YTHDC1: variants seen among roughly 807,000 people sequenced by gnomAD.
The protein encoded by YTHDC1 is YTH N6-methyladenosine RNA binding protein C1.
YTHDC1 carries 12 observed loss-of-function variants against 107.0 expected under a neutral mutation model. The observed-to-expected ratio is 0.11, with a 90% CI of 0.07 to 0.18. YTHDC1 has a LOEUF of 0.18. Among genes scored for constraint, YTHDC1 ranks in the 10% least tolerant of loss-of-function variants. The pLI is 1.00. For synonymous variants in YTHDC1, 280 were observed against 289.5 expected (o/e 0.97, Z 0.33); for missense variants, 635 against 898.8 (o/e 0.71, Z 3.75).
chr4:68,344,353 T>C (rs2109745221), intron 1 of YTHDC1, among the ~76,000 whole-genome samples: 1 of 150,842 alleles, frequency 6.6e-6, no homozygotes, highest in Non-Finnish European at 1.5e-5. Flanking sequence ...CTCAGTTTAA[T>C]ACACTAAGGC....
intron 9 of YTHDC1, 51 bp from the exon 10 acceptor site, chr4:68,324,274 C>T (rs1183114373): frequency 1.3e-6 from 2 of 1,483,982 alleles, no homozygotes; most frequent in African/African-American, 2.8e-5. Context: ...CCTTTAAGGA[C>T]CTTATACTAC....
At chr4:68,320,715 C>T (rs771079974) in intron 11 of YTHDC1, among the ~76,000 whole-genome samples, 1 of 152,056 alleles carries the variant, frequency 6.6e-6, no homozygotes, top group African/African-American at 2.4e-5. Flanking sequence ...CTGCTTTGCA[C>T]AAATTATGAA....
At chr4:68,326,740 G>A (rs1019995103) in intron 9 of YTHDC1, among the ~76,000 whole-genome samples, 6 of 151,722 alleles carry the variant, frequency 4.0e-5, no homozygotes, top group Admixed American at 2.0e-4. Context: ...ACAGGCATGC[G>A]CCACCACATC....
intron 1 of YTHDC1, among the ~76,000 whole-genome samples, chr4:68,341,813 G>A (rs1239545618): frequency 1.3e-5 from 2 of 152,142 alleles, no homozygotes; most frequent in African/African-American, 4.8e-5. Flanking sequence ...TTAGGTATCA[G>A]GAAATTCCCA....
chr4:68,325,522 T>C (rs999100999), intron 9 of YTHDC1, among the ~76,000 whole-genome samples: 2 of 152,178 alleles, frequency 1.3e-5, no homozygotes. Context: ...TGAATTTTCT[T>C]GAAAGTGAAT....
intron 1 of YTHDC1, among the ~76,000 whole-genome samples, chr4:68,343,135 T>C (rs561970199): frequency 1.3e-5 from 2 of 152,270 alleles, no homozygotes; most frequent in South Asian, 4.1e-4. Flanking sequence ...CATAAAGCAC[T>C]TCACATTGAA....
intron 9 of YTHDC1, among the ~76,000 whole-genome samples, chr4:68,327,299 G>A (rs1426117494): frequency 2.6e-5 from 4 of 152,086 alleles, no homozygotes; most frequent in Non-Finnish European, 5.9e-5. Flanking sequence ...TGTTTGGAAT[G>A]GACATGAAAG....
In YTHDC1 at chr4:68,314,032, A is replaced by G; in HGVS notation, c.*67T>C. On this transcript the variant is annotated 3_prime_UTR_variant, in exon 17 of 17. Transcript: ENST00000344157. ...AGCTGAAAATAAATTTACTACTTGT[A>G]AACACACACAAAAAAAAAATACAAG... The G allele has an allele frequency of 6.6e-7, 1 of 1,513,616 alleles. No homozygotes were observed. The highest frequency in any genetic ancestry group is 9.1e-7 in the Non-Finnish European group (1 of 1,103,748). The allele number at this position is 1,513,616 out of a possible 1,614,324, so 93.8% of individuals were successfully genotyped here. A position where few individuals can be genotyped will look rare whatever the true frequency, so the allele number is the denominator to read the frequency against.
intron 15 of YTHDC1, among the ~76,000 whole-genome samples, chr4:68,316,743 TTTAA>T (rs1721900994): frequency 6.6e-6 from 1 of 152,234 alleles, no homozygotes; most frequent in South Asian, 2.1e-4. Context: ...ACTAGTCTCA[TTTAA>T]TTCTCACAGC....
chr4:68,312,018 G>A lies in YTHDC1; in HGVS notation c.*2081C>T, dbSNP rs1214292830. 1.3e-5 allele frequency: 2 copies of A among 152,098 alleles called. No individual in the cohort carries two copies. The highest frequency in any genetic ancestry group is 1.3e-4 in the Admixed American group (2 of 15,262). The allele number at this position is 152,098 out of a possible 1,614,324, so 9.4% of individuals were successfully genotyped here. On this transcript the variant is annotated 3_prime_UTR_variant, in exon 17 of 17. Transcript: ENST00000344157. The stretch of plus-strand genomic sequence containing the variant: ...AAAAATTAGCGGGGTGTGGTGGTGG[G>A]TGCCTGTAGTCCCAGCCATTCGGGA...
chr4:68,349,969 A>C lies in YTHDC1; in HGVS notation c.-216T>G, dbSNP rs887654422. On this transcript the variant is annotated 5_prime_UTR_variant, in exon 1 of 17. Transcript: ENST00000344157. Reference sequence around the variant, plus strand: ...CTCCAGCATCCAGCGGCCTAGGCCCAGCCTTCTCGTTAGGGCTCAGACTCG... The same window carrying C: ...CTCCAGCATCCAGCGGCCTAGGCCCCGCCTTCTCGTTAGGGCTCAGACTCG... 6.1e-6 allele frequency: 4 copies of C among 658,014 alleles called. No individual in the cohort carries two copies. Among genetic ancestry groups the C allele is most frequent in the South Asian group, 1.9e-5 (1 of 53,154 alleles). The allele number at this position is 658,014 out of a possible 1,614,324, so 40.8% of individuals were successfully genotyped here. A position where few individuals can be genotyped will look rare whatever the true frequency, so the allele number is the denominator to read the frequency against.
At chr4:68,330,353 A>G (rs750421502) in intron 7 of YTHDC1, 43 bp from the exon 8 acceptor site, 3 of 1,310,838 alleles carry the variant, frequency 2.3e-6, no homozygotes, top group Non-Finnish European at 3.1e-6. Flanking sequence ...ATTAACTACA[A>G]CTCTTTTGTG....
At chr4:68,323,470 G>GT (rs1444860640) in intron 10 of YTHDC1, among the ~76,000 whole-genome samples, 1 of 152,188 alleles carries the variant, frequency 6.6e-6, no homozygotes, top group Middle Eastern at 3.2e-3. Flanking sequence ...GCTCATGCCT[G>GT]TAATTCCAGC....
Position 68,349,855 on chromosome 4 carries a change from C to A in YTHDC1, c.-102G>T. Reference sequence around the variant, plus strand: ...AGAAGCACGGGCCCGTCCGTCAGTCCGTCTGCCCGGATACGCGCGTCGCAC... The same window carrying A: ...AGAAGCACGGGCCCGTCCGTCAGTCAGTCTGCCCGGATACGCGCGTCGCAC... On this transcript the variant is annotated 5_prime_UTR_variant, in exon 1 of 17. Transcript: ENST00000344157. The A allele has an allele frequency of 2.6e-6, 4 of 1,546,432 alleles. No individual in the cohort carries two copies. The highest frequency in any genetic ancestry group is 1.7e-5 in the Admixed American group (1 of 57,654).
intron 1 of YTHDC1, among the ~76,000 whole-genome samples, chr4:68,345,043 A>T (rs1227946691): frequency 6.6e-6 from 1 of 152,058 alleles, no homozygotes. Context: ...CGCCAACAAC[A>T]AAAAAAATCA....
At position 68,332,949 on chromosome 4, in the gene YTHDC1, T is replaced by C. The variant is rs551798058; in HGVS notation, c.974-102A>G. 7.3e-5 allele frequency: 74 copies of C among 1,015,292 alleles called. No homozygotes were observed. The South Asian group carries it at 9.8e-4, about 13-fold the overall frequency. The allele number at this position is 1,015,292 out of a possible 1,614,324, so 62.9% of individuals were successfully genotyped here. The stretch of plus-strand genomic sequence containing the variant: ...TAAAATTCTCATTCAAGACAAATTA[T>C]TCTTCCTGGCGCACCCACACACACA... On this transcript the variant is annotated intron_variant, in intron 5 of 16. Transcript: ENST00000344157.
intron 1 of YTHDC1, among the ~76,000 whole-genome samples, chr4:68,347,087 A>G: frequency 6.6e-6 from 1 of 152,166 alleles, no homozygotes; most frequent in Non-Finnish European, 1.5e-5. Context: ...AGGTACTGAA[A>G]CACAATTACT....
intron 1 of YTHDC1, among the ~76,000 whole-genome samples, chr4:68,342,672 A>C (rs1332114241): frequency 6.6e-6 from 1 of 152,228 alleles, no homozygotes; most frequent in Non-Finnish European, 1.5e-5. Context: ...AAGCTAATGT[A>C]AACTGCTGCT....
In YTHDC1 at chr4:68,320,167, T is replaced by C; in HGVS notation, c.1640A>G (p.Lys547Arg). Residue 547 changes from lysine (K) to arginine (R), a missense_variant, in exon 12 of 17, where the codon AAG (lysine) becomes AGG (arginine). Lys to Arg is a conservative substitution (Grantham distance 26). Around this residue, in one of 5 missense-constraint regions of YTHDC1, gnomAD observed 256 missense variants for 372.9 expected, o/e 0.69. Transcript: ENST00000344157. ...AGGGGGATAGTCAATCCTTGGTTTC[T>C]TTCTGCTGTTATGAATATCATAATC... ...PEDYDIHNSRKKPRIDYPPEF... is the reference protein window; with the variant it reads ...PEDYDIHNSRRKPRIDYPPEF... The C allele has an allele frequency of 6.2e-7, 1 of 1,610,922 alleles. No homozygotes were observed. Among genetic ancestry groups the C allele is most frequent in the Non-Finnish European group, 8.5e-7 (1 of 1,179,200 alleles).
Sources: allele counts gnomAD v4.1 joint callset (sites outside exome capture counted in the v4.1 genomes callset), GRCh38; gene constraint gnomAD v4.1.1; regional missense constraint gnomAD v4.1.1; transcripts MANE v1.5; gene names NCBI Gene and HGNC (gene_info 2026-07-23, HGNC 2026-07-21).